The following TBCK variants were observed in gnomAD, a reference collection of about 807,000 sequenced individuals.
The protein encoded by TBCK is TBC domain-containing protein kinase-like protein.
Under a neutral mutation model 113.4 loss-of-function variants are expected in TBCK, and 99 were observed. That is an observed-to-expected ratio of 0.87 (90% CI 0.74 to 1.03). TBCK has a LOEUF of 1.03. Ranked by LOEUF, TBCK falls within the 50% of genes least tolerant of loss-of-function variation. The pLI is 0.00. For missense variants in TBCK, 1,045 were observed against 1,061.3 expected, an observed-to-expected ratio of 0.98 and a Z score of 0.21; for synonymous variants, 369 against 370.8, an observed-to-expected ratio of 1.00 and a Z score of 0.05.
intron 14 of TBCK, among the ~76,000 whole-genome samples, chr4:106,236,042 T>C (rs1444144699): frequency 6.6e-6 from 1 of 152,018 alleles, no homozygotes; most frequent in Non-Finnish European, 1.5e-5. Flanking sequence ...CCAGTGAAGA[T>C]GAACAATTTG....
chr4:106,201,891 T>C (rs1754926639), intron 20 of TBCK, among the ~76,000 whole-genome samples: 1 of 152,064 alleles, frequency 6.6e-6, no homozygotes, highest in Non-Finnish European at 1.5e-5. Context: ...ATATTGACCA[T>C]TAGTTTAATG....
chr4:106,223,011 A>C (rs975006723), intron 19 of TBCK, among the ~76,000 whole-genome samples: 2 of 152,130 alleles, frequency 1.3e-5, no homozygotes, highest in African/African-American at 4.8e-5. Flanking sequence ...TTATCATAAT[A>C]ATATTTCTAG....
In TBCK at chr4:106,308,810, G is replaced by C. The variant is rs113924864; in HGVS notation, c.151C>G (p.Pro51Ala). ...RFQILKTITH[P>A]RLCQYVDISR... ...ATATCCACATACTGGCAGAGTCTGG[G>C]ATGGGTGATGGTTTTAAGGATTTGA... The change falls in exon 2 of 26, where the codon CCC becomes GCC. Residue 51 changes from proline to alanine, a missense_variant. By Grantham distance (27) the Pro-to-Ala change is conservative (BLOSUM62 -1). Coordinates refer to ENST00000394708, the MANE Select transcript of TBCK (RefSeq NM_001163435.3). 3.3e-4 allele frequency: 536 copies of C among 1,614,046 alleles called. 1 individual carries two copies. Among genetic ancestry groups the C allele is most frequent in the Middle Eastern group, 1.2e-3 (7 of 6,082 alleles).
chr4:106,207,466 G>A (rs560404212), intron 20 of TBCK, among the ~76,000 whole-genome samples: 1 of 152,106 alleles, frequency 6.6e-6, no homozygotes, highest in Non-Finnish European at 1.5e-5. Flanking sequence ...TAGAGGCATA[G>A]AAAGTTACCT....
chr4:106,262,220 G>C lies in TBCK; in HGVS notation c.267-8C>G. ...CACAAAACCGTTGAACAGCTACAAA[G>C]AAAACAAAAAGTCAAAGATCAATTA... On this transcript the variant is annotated splice_polypyrimidine_tract_variant and splice_region_variant and intron_variant, in intron 3 of 25. Transcript: ENST00000394708. The C allele has an allele frequency of 6.7e-7, 1 of 1,489,084 alleles. No homozygotes were observed. The allele number at this position is 1,489,084 out of a possible 1,614,324, so 92.2% of individuals were successfully genotyped here.
chr4:106,057,559 C>T (rs2149454823), intron 25 of TBCK, among the ~76,000 whole-genome samples: 1 of 151,738 alleles, frequency 6.6e-6, no homozygotes, highest in East Asian at 2.0e-4. Flanking sequence ...AGCCAAACTG[C>T]TCTTCAAAGA....
At chr4:106,245,353 C>T (rs768825555) in intron 10 of TBCK, among the ~76,000 whole-genome samples, 3 of 152,018 alleles carry the variant, frequency 2.0e-5, no homozygotes, top group Non-Finnish European at 4.4e-5. Flanking sequence ...CAGGATAAAC[C>T]GGTTAGTCAG....
chr4:106,256,586 A>C (rs1762013758), intron 5 of TBCK, among the ~76,000 whole-genome samples: 1 of 152,188 alleles, frequency 6.6e-6, no homozygotes, highest in African/African-American at 2.4e-5. Context: ...CTGGGAGAGC[A>C]GGGCTCCTGC....
intron 3 of TBCK, among the ~76,000 whole-genome samples, chr4:106,275,295 C>A (rs149834414): frequency 2.0e-5 from 3 of 152,054 alleles, no homozygotes; most frequent in African/African-American, 7.2e-5. Context: ...TGATAAAAGG[C>A]ATATATAAAA....
intron 25 of TBCK, among the ~76,000 whole-genome samples, chr4:106,076,288 T>C (rs977770293): frequency 1.3e-5 from 2 of 152,180 alleles, no homozygotes; most frequent in African/African-American, 2.4e-5. Flanking sequence ...CTTTAGGCCA[T>C]ATATTACTTG....
chr4:106,155,597 T>G (rs1438404803), intron 23 of TBCK, among the ~76,000 whole-genome samples: 1 of 152,136 alleles, frequency 6.6e-6, no homozygotes, highest in African/African-American at 2.4e-5. Flanking sequence ...TTGTCTCCTC[T>G]GACTGTGTAT....
chr4:106,095,474 A>G lies in TBCK; in HGVS notation c.2571+8T>C. ...ATATGTACATATGACATTTCTGAAT[A>G]TACTTACCTCAGCTGTGTGTTTTGC... is the stretch of plus-strand genomic sequence containing the variant. On this transcript the variant is annotated splice_region_variant and intron_variant, in intron 25 of 25. Transcript: ENST00000394708. 6.2e-7 allele frequency: 1 copy of G among 1,612,148 alleles called. No individual in the cohort carries two copies. Among genetic ancestry groups the G allele is most frequent in the African/African-American group, 1.3e-5 (1 of 74,948 alleles).
At chr4:106,132,648 G>T (rs1047491017) in intron 23 of TBCK, among the ~76,000 whole-genome samples, 1 of 152,202 alleles carries the variant, frequency 6.6e-6, no homozygotes, top group African/African-American at 2.4e-5. Flanking sequence ...CTGTGAGCCT[G>T]GAAAAGCCAC....
intron 3 of TBCK, among the ~76,000 whole-genome samples, chr4:106,292,965 G>A (rs1337745958): frequency 6.6e-6 from 1 of 152,206 alleles, no homozygotes; most frequent in Non-Finnish European, 1.5e-5. Context: ...TCAAACATTA[G>A]CAGAGATTTT....
intron 12 of TBCK, chr4:106,237,589 C>G (rs1401798493): frequency 6.6e-6 from 3 of 454,028 alleles, no homozygotes; most frequent in Non-Finnish European, 1.3e-5. Flanking sequence ...AAGCACTGAT[C>G]TTCTGCTGAT....
intron 25 of TBCK, among the ~76,000 whole-genome samples, chr4:106,064,727 A>G (rs1364530356): frequency 6.6e-6 from 1 of 151,988 alleles, no homozygotes; most frequent in Non-Finnish European, 1.5e-5. Context: ...TAACATACCA[A>G]TAAGACATTT....
intron 3 of TBCK, among the ~76,000 whole-genome samples, chr4:106,283,725 T>A (rs1306356025): frequency 1.3e-5 from 2 of 151,566 alleles, no homozygotes; most frequent in Non-Finnish European, 2.9e-5. Flanking sequence ...TGAAGTCAGA[T>A]CCTATGCTAA....
Position 106,070,956 on chromosome 4 carries a change from G to A in TBCK, c.2572-24276C>T, listed in dbSNP as rs566604100. Among the ~76,000 whole-genome samples, 12 of 152,136 alleles carry A rather than the reference G, an allele frequency of 7.9e-5. No homozygotes were observed. The East Asian group carries it at 2.3e-3, about 29-fold the overall frequency. Reference sequence around the variant, plus strand: ...AGAGGTGTTTATAGTATTTTCTGATGGTAGTTTGTATTTCTGTGGGATCGG... The same window carrying A: ...AGAGGTGTTTATAGTATTTTCTGATAGTAGTTTGTATTTCTGTGGGATCGG... On this transcript the variant is annotated intron_variant, in intron 25 of 25. Transcript: ENST00000394708.
chr4:106,287,710 G>C (rs1364382673), intron 3 of TBCK, among the ~76,000 whole-genome samples: 15 of 152,294 alleles, frequency 9.8e-5, no homozygotes, highest in African/African-American at 3.6e-4. Flanking sequence ...ATGTAGAAAA[G>C]AATTAAGCCT....
Sources: allele counts gnomAD v4.1 joint callset (sites outside exome capture counted in the v4.1 genomes callset), GRCh38; gene constraint gnomAD v4.1.1; transcripts MANE v1.5; gene names NCBI Gene and HGNC (gene_info 2026-07-23, HGNC 2026-07-21).